KIRREL3: variants seen among roughly 807,000 people sequenced by gnomAD.
The protein encoded by KIRREL3 is kin of IRRE-like protein 3.
A neutral mutation model predicts 89.7 loss-of-function variants in KIRREL3; 36 were observed. That is an observed-to-expected ratio of 0.40 (90% CI 0.31 to 0.53). The LOEUF (loss-of-function observed/expected upper bound fraction) is 0.53, where lower values mean the gene tolerates loss of function less well. Among genes scored for constraint, KIRREL3 ranks in the 20% least tolerant of loss-of-function variants. KIRREL3 has a pLI of 0.49. For missense variants in KIRREL3, 864 were observed against 1,056.6 expected (o/e 0.82, Z 2.53); for synonymous variants, 445 against 441.4 (o/e 1.01, Z -0.10).
rs2134535489 is a variant in KIRREL3, at chr11:126,551,476, C to T, written c.133+11359G>A. 6.6e-6 allele frequency among the ~76,000 whole-genome samples: 1 copy of T among 152,202 alleles called. No individual in the cohort carries two copies. The highest frequency in any genetic ancestry group is 1.9e-4 in the East Asian group (1 of 5,170). ...GGGAACCGTGGATGAAATCCCCCCA[C>T]CCCATGCGCCTCTATATAGAAACAT... On this transcript the variant is annotated intron_variant, in intron 2 of 16. Transcript: ENST00000525144. This position sits in a 1 kb window ranked among gnomAD's most constrained non-coding sequence, Gnocchi z 4.9.
rs1193317218 is a variant in KIRREL3 at position 126,492,560 on chromosome 11, A to G, written c.434-19094T>C. Among the ~76,000 whole-genome samples, 3 of 152,080 alleles carry G rather than the reference A, an allele frequency of 2.0e-5. No individual in the cohort carries two copies. The highest frequency in any genetic ancestry group is 4.4e-5 in the Non-Finnish European group (3 of 68,022). On this transcript the variant is annotated intron_variant, in intron 4 of 16. Coordinates refer to ENST00000525144, the MANE Select transcript of KIRREL3 (RefSeq NM_032531.4). This position sits in a 1 kb window ranked among gnomAD's most constrained non-coding sequence, Gnocchi z 4.8. ...GGAGTGGGAAGGAGGAGGAGGAGGGATGAGGCTGCCAATTGCCACCGCCAC... is the reference window on the plus strand; with the variant it reads ...GGAGTGGGAAGGAGGAGGAGGAGGGGTGAGGCTGCCAATTGCCACCGCCAC...
At chr11:126,460,607 G>C (rs79755104) in intron 6 of KIRREL3, among the ~76,000 whole-genome samples, 1 of 152,212 alleles carries the variant, frequency 6.6e-6, no homozygotes, top group East Asian at 1.9e-4. Context: ...GCCTCCTAAG[G>C]TGGCTGAGAT....
chr11:126,615,541 C>A lies in KIRREL3; in HGVS notation c.56-52629G>T, dbSNP rs1245397017. Among the ~76,000 whole-genome samples the A allele has an allele frequency of 6.6e-6, 1 of 152,098 alleles. No homozygotes were observed. Among genetic ancestry groups the A allele is most frequent in the Non-Finnish European group, 1.5e-5 (1 of 68,014 alleles). On this transcript the variant is annotated intron_variant, in intron 1 of 16. Coordinates refer to ENST00000525144, the MANE Select transcript of KIRREL3 (RefSeq NM_032531.4). The surrounding 1 kb of genome is among the most constrained non-coding windows in gnomAD (Gnocchi z 5.4). ...CTCAAAAACCTGTGTTCCTAACCAT[C>A]CTGCCCACCAGGATCCTGGAGGTAT...
rs74450809 is a variant in KIRREL3, at chr11:126,679,863, T to C, written c.56-116951A>G. On this transcript the variant is annotated intron_variant, in intron 1 of 16. Coordinates refer to ENST00000525144, the MANE Select transcript of KIRREL3 (RefSeq NM_032531.4). Reference sequence around the variant, plus strand: ...TTGGATGGCCAAAAAGTGAAATGTGTATGAAGGGAAAAGGTCCCAGAGAGA... The same window carrying C: ...TTGGATGGCCAAAAAGTGAAATGTGCATGAAGGGAAAAGGTCCCAGAGAGA... Among the ~76,000 whole-genome samples, 1,056 of 152,220 alleles carry C rather than the reference T, an allele frequency of 6.9e-3. 12 individuals are homozygous for C. Among genetic ancestry groups the C allele is most frequent in the African/African-American group, 0.023 (958 of 41,536 alleles).
intron 2 of KIRREL3, among the ~76,000 whole-genome samples, chr11:126,548,999 G>A (rs1939041028): frequency 6.6e-6 from 1 of 152,170 alleles, no homozygotes; most frequent in African/African-American, 2.4e-5. Flanking sequence ...TTCTCTATGA[G>A]CTGAGAACAG....
intron 1 of KIRREL3, among the ~76,000 whole-genome samples, chr11:126,803,604 G>A (rs1259116204): frequency 1.3e-5 from 2 of 152,088 alleles, no homozygotes; most frequent in Non-Finnish European, 2.9e-5. Context: ...GAATCAGATT[G>A]AGATTAGCTG....
chr11:126,913,472 G>A (rs1241956318), intron 1 of KIRREL3, among the ~76,000 whole-genome samples: 1 of 152,184 alleles, frequency 6.6e-6, no homozygotes, highest in African/African-American at 2.4e-5. Flanking sequence ...CAGTTTCTCC[G>A]ACTGACTGTA....
chr11:126,670,997 C>G (rs779550395), intron 1 of KIRREL3, among the ~76,000 whole-genome samples: 1 of 152,088 alleles, frequency 6.6e-6, no homozygotes, highest in Non-Finnish European at 1.5e-5. Flanking sequence ...ATCAGTGGAA[C>G]AGGATAGAGA....
intron 1 of KIRREL3, among the ~76,000 whole-genome samples, chr11:126,590,180 C>G (rs1156799540): frequency 6.6e-6 from 1 of 152,222 alleles, no homozygotes; most frequent in Non-Finnish European, 1.5e-5. Flanking sequence ...CCTTAACTAC[C>G]TTGGTTATTC....
intron 1 of KIRREL3, among the ~76,000 whole-genome samples, chr11:126,836,114 T>C (rs1943772232): frequency 6.6e-6 from 1 of 152,238 alleles, no homozygotes; most frequent in Non-Finnish European, 1.5e-5. Flanking sequence ...CTGTAGCTTA[T>C]TTTAATCATT....
In KIRREL3 at chr11:126,520,374, A is replaced by G. The variant is rs1183600854; in HGVS notation, c.433+941T>C. ...GGCAGGTAGCCCTGGAGCCCTGGCC[A>G]GGAGCCCATGGGCCAAGCTCTTTGC... is the stretch of plus-strand genomic sequence containing the variant. On this transcript the variant is annotated intron_variant, in intron 4 of 16. Coordinates refer to ENST00000525144, the MANE Select transcript of KIRREL3 (RefSeq NM_032531.4). This position sits in a 1 kb window ranked among gnomAD's most constrained non-coding sequence, Gnocchi z 4.9. Among the ~76,000 whole-genome samples, 2 of 152,204 alleles carry G rather than the reference A, an allele frequency of 1.3e-5. No individual in the cohort carries two copies. Among genetic ancestry groups the G allele is most frequent in the Non-Finnish European group, 2.9e-5 (2 of 68,032 alleles).
chr11:126,881,227 G>A (rs940858163), intron 1 of KIRREL3, among the ~76,000 whole-genome samples: 30 of 152,244 alleles, frequency 2.0e-4, no homozygotes, highest in African/African-American at 6.3e-4. Context: ...GGCATAAATC[G>A]GCTGAACTTT....
intron 2 of KIRREL3, among the ~76,000 whole-genome samples, chr11:126,547,304 C>T (rs985271869): frequency 2.0e-5 from 3 of 152,184 alleles, no homozygotes; most frequent in Non-Finnish European, 4.4e-5. Context: ...CTTACCATGG[C>T]CTTTGGTGTA....
At chr11:126,456,483 C>T (rs755643505) in intron 6 of KIRREL3, 29 bp from the exon 7 acceptor site, 1 of 1,442,566 alleles carries the variant, frequency 6.9e-7, no homozygotes, top group Admixed American at 2.0e-5. Context: ...CACTTGTAGA[C>T]CGGAGAAAGA....
chr11:126,727,969 G>A (rs1172483500), intron 1 of KIRREL3, among the ~76,000 whole-genome samples: 2 of 152,000 alleles, frequency 1.3e-5, no homozygotes, highest in African/African-American at 2.4e-5. Flanking sequence ...GGGCTGTCTC[G>A]GGGGTGAGCA....
At chr11:126,762,120 A>C (rs957861135) in intron 1 of KIRREL3, among the ~76,000 whole-genome samples, 1 of 152,136 alleles carries the variant, frequency 6.6e-6, no homozygotes, top group African/African-American at 2.4e-5. Flanking sequence ...GGTTGCAGTG[A>C]GCTGAGGTCA....
At chr11:126,534,916 C>T (rs1937722608) in intron 2 of KIRREL3, among the ~76,000 whole-genome samples, 1 of 152,164 alleles carries the variant, frequency 6.6e-6, no homozygotes, top group Admixed American at 6.5e-5. Flanking sequence ...CTTGGATGAA[C>T]CCTGTCCTGA....
intron 1 of KIRREL3, among the ~76,000 whole-genome samples, chr11:126,858,658 G>A (rs1434269361): frequency 6.6e-6 from 1 of 152,212 alleles, no homozygotes; most frequent in Admixed American, 6.5e-5. Flanking sequence ...GTGTGTGTGT[G>A]TGTGGTTTTC....
At chr11:126,673,540 T>C (rs1346174691) in intron 1 of KIRREL3, among the ~76,000 whole-genome samples, 1 of 152,194 alleles carries the variant, frequency 6.6e-6, no homozygotes, top group African/African-American at 2.4e-5. Context: ...GAATTCATAA[T>C]TGCTTCTTAC....
Sources: gnomAD v4.1 joint callset for allele counts (sites outside exome capture counted in the v4.1 genomes callset) on GRCh38, gnomAD v4.1.1 for gene constraint, Gnocchi (gnomAD v3.1) non-coding constraint, MANE v1.5 for transcripts, NCBI Gene and HGNC (gene_info 2026-07-23, HGNC 2026-07-21) for gene names.